The following CCM2 variants were observed in gnomAD, a reference collection of about 807,000 sequenced individuals.
The protein encoded by CCM2 is CCM2 scaffold protein.
CCM2 carries 25 observed loss-of-function variants against 44.9 expected under a neutral mutation model. The observed-to-expected ratio is 0.56, with a 90% CI of 0.41 to 0.78. The LOEUF (loss-of-function observed/expected upper bound fraction) is 0.78, where lower values mean the gene tolerates loss of function less well. Ranked by LOEUF, CCM2 falls within the 30% of genes least tolerant of loss-of-function variation. The pLI is 0.00. For missense variants in CCM2, 481 were observed against 580.6 expected (o/e 0.83, Z 1.76); for synonymous variants, 219 against 241.1 (o/e 0.91, Z 0.85).
intron 1 of CCM2, among the ~76,000 whole-genome samples, chr7:45,009,514 C>G (rs538354570): frequency 6.7e-6 from 1 of 149,730 alleles, no homozygotes; most frequent in South Asian, 2.1e-4. Flanking sequence ...AAGCGATTCT[C>G]CTGCCTCAGC....
intron 1 of CCM2, among the ~76,000 whole-genome samples, chr7:45,004,070 C>G (rs901778578): frequency 1.6e-4 from 24 of 152,060 alleles, no homozygotes; most frequent in African/African-American, 5.1e-4. Flanking sequence ...GTTCCAGCTA[C>G]TTGGGATGCT....
rs1795798274 is a variant in CCM2, at chr7:45,005,214, G to A, written c.30+4851G>A. Reference sequence around the variant, plus strand: ...GGTGCTCAGCAGAGAACCTAAGGCAGCCAGTAGGTGAGGCCAGAATGATCG... The same window carrying A: ...GGTGCTCAGCAGAGAACCTAAGGCAACCAGTAGGTGAGGCCAGAATGATCG... On this transcript the variant is annotated intron_variant, in intron 1 of 9. Transcript: ENST00000258781. Among the ~76,000 whole-genome samples, 5 of 152,222 alleles carry A rather than the reference G, an allele frequency of 3.3e-5. No homozygotes were observed. The South Asian group carries it at 1.0e-3, about 31-fold the overall frequency.
At chr7:45,000,454 CGG>C (rs1324793160) in intron 1 of CCM2, 91 bp downstream of exon 1, 5 of 80,956 alleles carry the variant, frequency 6.2e-5, no homozygotes, top group Non-Finnish European at 8.6e-5. Flanking sequence ...CCTTGGGGCC[CGG>C]GGGGGGGGGC....
chr7:45,059,840 G>A (rs965078506), intron 2 of CCM2, among the ~76,000 whole-genome samples: 10 of 152,168 alleles, frequency 6.6e-5, no homozygotes. Context: ...AAATAATGCT[G>A]TGCTGCTTCA....
At chr7:45,071,897 C>CAAAA (rs1562916789) in intron 6 of CCM2, 1 of 456,208 alleles carries the variant, frequency 2.2e-6, no homozygotes, top group African/African-American at 2.0e-5. Flanking sequence ...ATCCTTTACT[C>CAAAA]CCCTTTGAAA....
At chr7:45,072,038 T>C in intron 6 of CCM2, 1 of 363,270 alleles carries the variant, frequency 2.8e-6, no homozygotes. Context: ...CTCCCTCTGC[T>C]TCATTTAAAA....
chr7:45,061,866 C>G (rs1415438077), intron 2 of CCM2, among the ~76,000 whole-genome samples: 1 of 152,190 alleles, frequency 6.6e-6, no homozygotes, highest in Non-Finnish European at 1.5e-5. Context: ...CCCTGAGAGC[C>G]TGGTGGGGCT....
intron 1 of CCM2, among the ~76,000 whole-genome samples, chr7:45,019,267 A>C (rs548753052): frequency 6.6e-6 from 1 of 151,444 alleles, no homozygotes; most frequent in African/African-American, 2.4e-5. Flanking sequence ...TATAGATGGA[A>C]TCTCAGTATG....
chr7:45,008,356 CTT>C (rs59435094), intron 1 of CCM2, among the ~76,000 whole-genome samples: 35 of 114,774 alleles, frequency 3.0e-4, no homozygotes, highest in African/African-American at 1.3e-3. Flanking sequence ...GGTACATGTT[CTT>C]TTTTTTTTTT....
At chr7:45,072,897 AT>A in intron 7 of CCM2, 114 bp downstream of exon 7, 1 of 875,126 alleles carries the variant, frequency 1.1e-6, no homozygotes, top group Admixed American at 1.9e-5. Flanking sequence ...TCGCTAAGCC[AT>A]CCCCAGACCC....
chr7:45,076,424 A>T lies in CCM2; in HGVS notation c.*367A>T. ...TATTGTAACTCTCAGAGACCTTAAA[A>T]AGAAGTTTACTGCAATGTGAATAAT... On this transcript the variant is annotated 3_prime_UTR_variant, in exon 10 of 10. Coordinates refer to ENST00000258781, the MANE Select transcript of CCM2 (RefSeq NM_031443.4). 2.5e-6 allele frequency: 1 copy of T among 397,212 alleles called. No homozygotes were observed. Among genetic ancestry groups the T allele is most frequent in the Non-Finnish European group, 4.9e-6 (1 of 205,940 alleles). 24.6% of individuals were successfully genotyped at this position (397,212 alleles called of 1,614,324 possible). A position where few individuals can be genotyped will look rare whatever the true frequency, so the allele number is the denominator to read the frequency against.
In CCM2 at chr7:45,038,245, GC is replaced by G; in HGVS notation, c.31-6del. 4 of 1,613,842 alleles carry G rather than the reference GC, an allele frequency of 2.5e-6. No homozygotes were observed. The highest frequency in any genetic ancestry group is 3.4e-6 in the Non-Finnish European group (4 of 1,180,014). On this transcript the variant is annotated splice_region_variant and splice_polypyrimidine_tract_variant and intron_variant, in intron 1 of 9. Transcript: ENST00000258781. ...ATGAACTCCAATCATTGCCGTTTCTGCCTGCAGCCTGGAATTGTCTCGCCAT... is the reference window on the plus strand; with the variant it reads ...ATGAACTCCAATCATTGCCGTTTCTGCTGCAGCCTGGAATTGTCTCGCCAT...
chr7:45,019,641 G>A (rs1176348243), intron 1 of CCM2, among the ~76,000 whole-genome samples: 2 of 151,976 alleles, frequency 1.3e-5, no homozygotes, highest in East Asian at 1.9e-4. Flanking sequence ...AGAGTGCAAT[G>A]GTGTGATCAT....
At chr7:45,000,517 G>A (rs1795562206) in intron 1 of CCM2, among the ~76,000 whole-genome samples, 154 bp downstream of exon 1, 1 of 149,656 alleles carries the variant, frequency 6.7e-6, no homozygotes, top group Admixed American at 6.6e-5. Flanking sequence ...CCCGGACAAT[G>A]GTCAGGTGGG....
At chr7:45,043,041 T>C (rs1197886461) in intron 2 of CCM2, among the ~76,000 whole-genome samples, 1 of 151,322 alleles carries the variant, frequency 6.6e-6, no homozygotes, top group Admixed American at 6.6e-5. Flanking sequence ...GGCATGATCA[T>C]GGTTCACTGC....
intron 1 of CCM2, among the ~76,000 whole-genome samples, chr7:45,007,684 A>G (rs1026255751): frequency 6.6e-6 from 1 of 152,136 alleles, no homozygotes; most frequent in African/African-American, 2.4e-5. Context: ...TAATAGGAAC[A>G]TGGAATTTGG....
intron 4 of CCM2, 181 bp from the exon 5 acceptor site, chr7:45,068,262 C>G: frequency 1.4e-6 from 1 of 734,890 alleles, no homozygotes; most frequent in Admixed American, 2.1e-5. Context: ...CGCGTGTTCC[C>G]ACCCTTATTT....
At chr7:45,024,260 C>A (rs1420521675) in intron 1 of CCM2, among the ~76,000 whole-genome samples, 2 of 152,202 alleles carry the variant, frequency 1.3e-5, no homozygotes, top group Non-Finnish European at 2.9e-5. Context: ...TAACTTCTGG[C>A]ATCACCATTC....
chr7:45,021,631 TC>T (rs1796485805), intron 1 of CCM2, among the ~76,000 whole-genome samples: 1 of 151,870 alleles, frequency 6.6e-6, no homozygotes, highest in East Asian at 1.9e-4. Flanking sequence ...CATCTCCCTG[TC>T]CCCTGGGTAT....
Sources: allele counts gnomAD v4.1 joint callset (sites outside exome capture counted in the v4.1 genomes callset), GRCh38; gene constraint gnomAD v4.1.1; transcripts MANE v1.5; gene names NCBI Gene and HGNC (gene_info 2026-07-23, HGNC 2026-07-21).